The following SF3A1 variants were observed in gnomAD, a reference collection of about 807,000 sequenced individuals.
The protein encoded by SF3A1 is splicing factor 3a subunit 1, also known as SAP 114.
SF3A1 carries 13 observed loss-of-function variants against 89.9 expected under a neutral mutation model. The ratio of observed to expected loss-of-function variants is 0.14; its 90% CI spans 0.09 to 0.23. The LOEUF is 0.23. Ranked by LOEUF, SF3A1 falls within the 10% of genes least tolerant of loss-of-function variation. SF3A1 has a pLI of 1.00. For synonymous variants in SF3A1, 405 were observed against 374.4 expected, an observed-to-expected ratio of 1.08 and a Z score of -0.94; for missense variants, 604 against 1,022.1, an observed-to-expected ratio of 0.59 and a Z score of 5.58.
At chr22:30,341,132 G>C (rs1931239410) in intron 7 of SF3A1, among the ~76,000 whole-genome samples, 1 of 152,178 alleles carries the variant, frequency 6.6e-6, no homozygotes, top group Non-Finnish European at 1.5e-5. Flanking sequence ...GGGGCGGCGA[G>C]TCGCCAATCA....
chr22:30,337,513 G>A (rs1015646976), intron 12 of SF3A1, among the ~76,000 whole-genome samples, 177 bp downstream of exon 12: 4 of 152,200 alleles, frequency 2.6e-5, no homozygotes, highest in Non-Finnish European at 5.9e-5. Flanking sequence ...ATTTCTACCA[G>A]GAACGGTGGC....
At chr22:30,344,421 C>T (rs1167751321) in intron 4 of SF3A1, among the ~76,000 whole-genome samples, 3 of 152,174 alleles carry the variant, frequency 2.0e-5, no homozygotes, top group Admixed American at 2.0e-4. Context: ...AGCTGAAGAA[C>T]CAAAGTTTTA....
intron 1 of SF3A1, among the ~76,000 whole-genome samples, chr22:30,354,795 G>C (rs1206412112): frequency 1.3e-5 from 2 of 152,184 alleles, no homozygotes; most frequent in African/African-American, 4.8e-5. Flanking sequence ...ACAATGGCTT[G>C]CACCTATAAT....
At chr22:30,351,414 G>A (rs978408031) in intron 2 of SF3A1, among the ~76,000 whole-genome samples, 11 of 152,324 alleles carry the variant, frequency 7.2e-5, no homozygotes, top group African/African-American at 2.2e-4. Context: ...CACTGCCTCA[G>A]GGGGGTGACG....
rs767019250 is a variant in SF3A1 at position 30,339,110 on chromosome 22, A to G, written c.1497+20T>C. The G allele has an allele frequency of 8.1e-6, 13 of 1,613,984 alleles. No individual in the cohort carries two copies. In the Admixed American group the frequency reaches 2.0e-4, roughly 25 times the overall value. Reference sequence around the variant, plus strand: ...GAAGACGGGGGGCAGAGAAGGCACTAGGTTCCACTTTAGCCGCACCTTTTC... The same window carrying G: ...GAAGACGGGGGGCAGAGAAGGCACTGGGTTCCACTTTAGCCGCACCTTTTC... On this transcript the variant is annotated intron_variant, in intron 10 of 15. Coordinates refer to ENST00000215793, the MANE Select transcript of SF3A1 (RefSeq NM_005877.6).
Position 30,341,812 on chromosome 22 carries a change from A to G in SF3A1, c.951T>C (p.Phe317=). The change falls in exon 7 of 16, where the codon TTT becomes TTC. Residue 317 remains phenylalanine, a synonymous_variant. Coordinates refer to ENST00000215793, the MANE Select transcript of SF3A1 (RefSeq NM_005877.6). ...RILIQERYEK[F]GESEEVEMEV... ...CCATCTCAACTTCCTCACTCTCCCC[A>G]AACTTTTCATAGCGCTCCTGAATGA... is the stretch of plus-strand genomic sequence containing the variant. 6.2e-7 allele frequency: 1 copy of G among 1,614,030 alleles called. No individual in the cohort carries two copies. The highest frequency in any genetic ancestry group is 1.7e-5 in the Admixed American group (1 of 60,028).
In SF3A1 at chr22:30,335,793, G is replaced by A. The variant is rs193068856; in HGVS notation, c.2107-40C>T. The A allele has an allele frequency of 9.1e-5, 139 of 1,532,986 alleles. 4 individuals are homozygous for A. The highest frequency in any genetic ancestry group is 6.3e-4 in the South Asian group (56 of 89,462). The allele number at this position is 1,532,986 out of a possible 1,614,324, so 95.0% of individuals were successfully genotyped here. On this transcript the variant is annotated intron_variant, in intron 13 of 15. Coordinates refer to ENST00000215793, the MANE Select transcript of SF3A1 (RefSeq NM_005877.6). ...GTGGTCATTATGCCTAGGGAGCTCG[G>A]AGCCAATCAAGAACTATGCTCTGCT...
rs1479290678 is a variant in SF3A1 at position 30,353,080 on chromosome 22, A to T, written c.64-8T>A. On this transcript the variant is annotated splice_region_variant and splice_polypyrimidine_tract_variant and intron_variant, in intron 1 of 15. Transcript: ENST00000215793. The stretch of plus-strand genomic sequence containing the variant: ...TGCTTCTTCTTCTGTGGGCTGTGCA[A>T]ACAGGAAAAGAAATAAGGTTTTAAA... The T allele has an allele frequency of 6.2e-7, 1 of 1,613,682 alleles. No homozygotes were observed. Among genetic ancestry groups the T allele is most frequent in the Non-Finnish European group, 8.5e-7 (1 of 1,179,852 alleles).
chr22:30,344,177 A>G (rs192543855), intron 4 of SF3A1, among the ~76,000 whole-genome samples: 122 of 146,654 alleles, frequency 8.3e-4, no homozygotes, highest in African/African-American at 2.9e-3. Flanking sequence ...CTCAAGCCCC[A>G]GCCCTGCCAC....
intron 2 of SF3A1, among the ~76,000 whole-genome samples, chr22:30,350,897 A>G (rs1288183696): frequency 6.6e-6 from 1 of 152,240 alleles, no homozygotes; most frequent in Admixed American, 6.5e-5. Context: ...CCCAATCAAC[A>G]TCATCACAAT....
rs1930974661 is a variant in SF3A1, at chr22:30,333,469, T to G, written c.*1125A>C. Reference sequence around the variant, plus strand: ...CCAGGAAATTGTTAGCAACAGGCTCTCACCTTCCTCCAACACCCACAGCAT... The same window carrying G: ...CCAGGAAATTGTTAGCAACAGGCTCGCACCTTCCTCCAACACCCACAGCAT... On this transcript the variant is annotated 3_prime_UTR_variant, in exon 16 of 16. Transcript: ENST00000215793. The G allele has an allele frequency of 6.6e-6, 1 of 152,366 alleles. No homozygotes were observed. Among genetic ancestry groups the G allele is most frequent in the East Asian group, 1.9e-4 (1 of 5,192 alleles). 9.4% of individuals were successfully genotyped at this position (152,366 alleles called of 1,614,324 possible).
At position 30,337,647 on chromosome 22, in the gene SF3A1, T is replaced by C. The variant is rs770526536; in HGVS notation, c.1951+43A>G. 6.4e-6 allele frequency: 6 copies of C among 931,540 alleles called. No individual in the cohort carries two copies. In the African/African-American group the frequency reaches 7.0e-5, roughly 11 times the overall value. The allele number at this position is 931,540 out of a possible 1,614,324, so 57.7% of individuals were successfully genotyped here. A position where few individuals can be genotyped will look rare whatever the true frequency, so the allele number is the denominator to read the frequency against. On this transcript the variant is annotated intron_variant, in intron 12 of 15. Transcript: ENST00000215793. ...TCTGCTGACAGTACTTGGCCCGTGG[T>C]CCCTGAACTAATGGCCTGGAAAATG...
At chr22:30,344,045 C>T (rs1931345147) in intron 4 of SF3A1, among the ~76,000 whole-genome samples, 2 of 152,236 alleles carry the variant, frequency 1.3e-5, no homozygotes, top group African/African-American at 4.8e-5. Context: ...GCTGTCAGTG[C>T]ACTTTGCAAT....
In SF3A1 at chr22:30,338,856, G is replaced by T; in HGVS notation, c.1676C>A (p.Pro559Gln). 1.2e-6 allele frequency: 2 copies of T among 1,614,224 alleles called. No individual in the cohort carries two copies. The highest frequency in any genetic ancestry group is 1.7e-6 in the Non-Finnish European group (2 of 1,180,034). The change falls in exon 11 of 16, where the codon CCA becomes CAA. Residue 559 changes from proline (P) to glutamine (Q), a missense_variant. Pro to Gln is a moderately conservative substitution (Grantham distance 76). Coordinates refer to ENST00000215793, the MANE Select transcript of SF3A1 (RefSeq NM_005877.6). The part of the protein sequence containing the change: ...KPNEIPQQPP[P>Q]PSSATNIPSS... Reference sequence around the variant, plus strand: ...GGGGATGTTGGTGGCTGAAGATGGTGGCGGTGGCTGTTGAGGGATTTCATT... The same window carrying T: ...GGGGATGTTGGTGGCTGAAGATGGTTGCGGTGGCTGTTGAGGGATTTCATT...
intron 15 of SF3A1, 48 bp from the exon 16 acceptor site, chr22:30,334,743 G>A: frequency 7.6e-7 from 1 of 1,324,286 alleles, no homozygotes; most frequent in Non-Finnish European, 1.1e-6. Flanking sequence ...CAGCCTTGGG[G>A]ATACCGCTGC....
intron 4 of SF3A1, among the ~76,000 whole-genome samples, chr22:30,344,329 TGTTA>T (rs1931352942): frequency 6.6e-6 from 1 of 152,246 alleles, no homozygotes; most frequent in African/African-American, 2.4e-5. Context: ...TTCTTAGTGA[TGTTA>T]GTTATACTGA....
intron 1 of SF3A1, among the ~76,000 whole-genome samples, chr22:30,356,135 C>G (rs1931819337): frequency 6.6e-6 from 1 of 152,140 alleles, no homozygotes; most frequent in African/African-American, 2.4e-5. Flanking sequence ...ACTGTATCAT[C>G]GATGGCCATT....
chr22:30,348,148 T>C (rs1196886866), intron 2 of SF3A1, among the ~76,000 whole-genome samples: 3 of 152,218 alleles, frequency 2.0e-5, no homozygotes, highest in Non-Finnish European at 2.9e-5. Flanking sequence ...CAAAGTCTTT[T>C]CAAATCGTAC....
intron 12 of SF3A1, among the ~76,000 whole-genome samples, chr22:30,337,453 G>A (rs754006337): frequency 2.6e-5 from 4 of 152,160 alleles, no homozygotes; most frequent in East Asian, 1.9e-4. Context: ...AGCCTGTTGG[G>A]GACCTGATCC....
Sources: gnomAD v4.1 joint callset for allele counts (sites outside exome capture counted in the v4.1 genomes callset) on GRCh38, gnomAD v4.1.1 for gene constraint, MANE v1.5 for transcripts, NCBI Gene and HGNC (gene_info 2026-07-23, HGNC 2026-07-21) for gene names.